FMN1: variants seen among roughly 807,000 people sequenced by gnomAD.
FMN1 encodes formin-1.
FMN1 carries 110 observed loss-of-function variants against 132.4 expected under a neutral mutation model. The observed-to-expected ratio is 0.83, with a 90% confidence interval of 0.71 to 0.97. FMN1 has a LOEUF of 0.97. FMN1 is among the 50% of genes least tolerant of loss of function. The probability of loss-of-function intolerance (pLI) is 0.00; values close to 1 mark genes in which losing one functional copy is unlikely to be tolerated. For synonymous variants in FMN1, 722 were observed against 651.7 expected (o/e 1.11, Z -1.64); for missense variants, 1,792 against 1,705.3 (o/e 1.05, Z -0.90).
chr15:33,038,444 AAC>A (rs1301286789), intron 6 of FMN1, among the ~76,000 whole-genome samples: 2 of 152,216 alleles, frequency 1.3e-5, no homozygotes, highest in African/African-American at 2.4e-5. Flanking sequence ...ATTGAAAAGT[AAC>A]ACAGTTTTAT....
At chr15:32,978,890 G>A (rs1309171064) in intron 7 of FMN1, among the ~76,000 whole-genome samples, 1 of 152,060 alleles carries the variant, frequency 6.6e-6, no homozygotes, top group African/African-American at 2.4e-5. Flanking sequence ...ATTGGAATTC[G>A]GTAGGAAATG....
At chr15:32,886,098 G>C (rs1357433438) in intron 16 of FMN1, among the ~76,000 whole-genome samples, 1 of 152,240 alleles carries the variant, frequency 6.6e-6, no homozygotes, top group East Asian at 1.9e-4. Context: ...CACGATTCTG[G>C]CCATCTTGCC....
At chr15:33,113,126 A>AT (rs1410578267) in intron 4 of FMN1, among the ~76,000 whole-genome samples, 1 of 152,202 alleles carries the variant, frequency 6.6e-6, no homozygotes, top group Admixed American at 6.5e-5. Flanking sequence ...GCTGTTTCAA[A>AT]TATCTGCATT....
intron 10 of FMN1, among the ~76,000 whole-genome samples, chr15:32,917,044 G>A (rs1445715729): frequency 1.3e-5 from 2 of 152,136 alleles, no homozygotes; most frequent in African/African-American, 4.8e-5. Context: ...GAGAGTTGAG[G>A]AAAGGGAAGG....
At chr15:33,183,532 C>T (rs1595611234) in intron 2 of FMN1, among the ~76,000 whole-genome samples, 1 of 152,086 alleles carries the variant, frequency 6.6e-6, no homozygotes, top group African/African-American at 2.4e-5. Flanking sequence ...TGCCTAGCAC[C>T]GAGTAGACAC....
chr15:33,170,345 T>G (rs1965270185), intron 3 of FMN1, among the ~76,000 whole-genome samples: 1 of 152,088 alleles, frequency 6.6e-6, no homozygotes, highest in Non-Finnish European at 1.5e-5. Context: ...TTCAGAACTA[T>G]GGACTAGGCA....
At chr15:33,088,452 GTTA>G (rs924942415) in intron 5 of FMN1, among the ~76,000 whole-genome samples, 5 of 152,162 alleles carry the variant, frequency 3.3e-5, no homozygotes, top group African/African-American at 1.2e-4. Context: ...CTTTACATAT[GTTA>G]TTGACAAATT....
chr15:32,911,092 T>C (rs1282516281), intron 10 of FMN1, among the ~76,000 whole-genome samples: 21 of 152,238 alleles, frequency 1.4e-4, no homozygotes, highest in Admixed American at 1.4e-3. Flanking sequence ...AAACCTCCCA[T>C]GAGCCAGTCT....
At chr15:32,905,645 G>A (rs967961046) in intron 12 of FMN1, among the ~76,000 whole-genome samples, 1 of 152,196 alleles carries the variant, frequency 6.6e-6, no homozygotes, top group Non-Finnish European at 1.5e-5. Flanking sequence ...GAGTTGATGA[G>A]GTGAGTGATG....
rs200901863 is a variant in FMN1 at position 33,066,945 on chromosome 15, C to A, written c.2044-1871G>T. ...CCTGCCTGCACTAAGGACTTCTGCA[C>A]AGGCTGCGTCAATTTGAGCAAAGCT... On this transcript the variant is annotated intron_variant, in intron 5 of 20. Coordinates refer to ENST00000616417, the MANE Select transcript of FMN1 (RefSeq NM_001277313.2). 5.0e-4 allele frequency: 802 copies of A among 1,613,894 alleles called. 1 individual carries two copies. Among genetic ancestry groups the A allele is most frequent in the Non-Finnish European group, 6.6e-4 (773 of 1,179,898 alleles).
chr15:32,777,443 TTATATATTA>T (rs1216641620), intron 19 of FMN1, among the ~76,000 whole-genome samples: 1 of 122,190 alleles, frequency 8.2e-6, no homozygotes, highest in African/African-American at 3.1e-5. Context: ...AAAAATATAT[TTATATATTA>T]TATTTATATA....
chr15:33,107,561 T>C (rs2039534187), intron 4 of FMN1, among the ~76,000 whole-genome samples: 1 of 152,224 alleles, frequency 6.6e-6, no homozygotes, highest in South Asian at 2.1e-4. Context: ...ACCAACCTCA[T>C]TCCTGCCTTT....
chr15:33,044,307 G>A (rs1007597521), intron 6 of FMN1, among the ~76,000 whole-genome samples: 1 of 152,200 alleles, frequency 6.6e-6, no homozygotes, highest in African/African-American at 2.4e-5. Flanking sequence ...CCCTAGTGAG[G>A]CCCCACCTTC....
At chr15:32,991,741 GCA>G (rs1566799814) in intron 7 of FMN1, among the ~76,000 whole-genome samples, 1 of 152,112 alleles carries the variant, frequency 6.6e-6, no homozygotes, top group East Asian at 1.9e-4. Flanking sequence ...ATCACATAAT[GCA>G]CAGTTAGAAG....
intron 7 of FMN1, among the ~76,000 whole-genome samples, chr15:32,997,691 C>T (rs2033856203): frequency 6.6e-6 from 1 of 152,114 alleles, no homozygotes; most frequent in Non-Finnish European, 1.5e-5. Flanking sequence ...TCTCTCATGT[C>T]AACACAATCT....
intron 12 of FMN1, 49 bp downstream of exon 12, chr15:32,908,441 A>C (rs750812113): frequency 4.1e-6 from 5 of 1,213,364 alleles, no homozygotes; most frequent in Non-Finnish European, 6.1e-6. Context: ...AGAAGACAGA[A>C]ATTGCAGTTC....
chr15:32,989,973 G>C lies in FMN1; in HGVS notation c.2223+18041C>G, dbSNP rs982898676. 2.0e-5 allele frequency among the ~76,000 whole-genome samples: 3 copies of C among 152,146 alleles called. 1 individual carries two copies. The East Asian group carries it at 5.8e-4, about 29-fold the overall frequency. ...CATGTTTACATTGGGAGGGGAAGAGGAGGAGGATTCAGAAGGAGACAAGTA... is the reference window on the plus strand; with the variant it reads ...CATGTTTACATTGGGAGGGGAAGAGCAGGAGGATTCAGAAGGAGACAAGTA... On this transcript the variant is annotated intron_variant, in intron 7 of 20. Transcript: ENST00000616417.
chr15:32,954,406 A>G (rs928766226), intron 9 of FMN1, among the ~76,000 whole-genome samples: 2 of 152,230 alleles, frequency 1.3e-5, no homozygotes, highest in African/African-American at 4.8e-5. Flanking sequence ...TAAAAATAAA[A>G]TGAAAGTTGG....
chr15:32,960,288 C>T (rs149612871), intron 9 of FMN1, among the ~76,000 whole-genome samples: 140 of 152,242 alleles, frequency 9.2e-4, no homozygotes, highest in African/African-American at 3.3e-3. Context: ...AACCAAATCT[C>T]GTGAGAACTC....
Sources: allele counts gnomAD v4.1 joint callset (sites outside exome capture counted in the v4.1 genomes callset), GRCh38; gene constraint gnomAD v4.1.1; transcripts MANE v1.5; gene names NCBI Gene and HGNC (gene_info 2026-07-23, HGNC 2026-07-21).